The following NDNF variants were observed in gnomAD, a reference collection of about 807,000 sequenced individuals.
NDNF encodes the protein neuron derived neurotrophic factor.
NDNF carries 16 observed loss-of-function variants against 42.0 expected under a neutral mutation model. The observed-to-expected ratio is 0.38, with a 90% CI of 0.26 to 0.58. The LOEUF is 0.58. Ranked by LOEUF, NDNF falls within the 20% of genes least tolerant of loss-of-function variation. The pLI is 0.67. For missense variants in NDNF, 616 were observed against 666.2 expected, an observed-to-expected ratio of 0.92 and a Z score of 0.83; for synonymous variants, 248 against 251.7, an observed-to-expected ratio of 0.99 and a Z score of 0.14.
chr4:121,038,424 C>T (rs543745970), intron 3 of NDNF, among the ~76,000 whole-genome samples: 16 of 146,260 alleles, frequency 1.1e-4, no homozygotes, highest in Non-Finnish European at 2.1e-4. Flanking sequence ...AAAAAGAATG[C>T]TTAAGGTTCA....
chr4:121,071,162 C>A (rs1727589100), intron 1 of NDNF, among the ~76,000 whole-genome samples: 1 of 152,166 alleles, frequency 6.6e-6, no homozygotes, highest in African/African-American at 2.4e-5. Context: ...AGAAAGGTAG[C>A]GCGGGTGAGA....
intron 1 of NDNF, among the ~76,000 whole-genome samples, chr4:121,058,398 C>T (rs978867351): frequency 2.6e-5 from 4 of 152,100 alleles, no homozygotes; most frequent in Non-Finnish European, 5.9e-5. Context: ...CTCTGCAAGC[C>T]AGACTTGAGA....
intron 1 of NDNF, among the ~76,000 whole-genome samples, chr4:121,051,568 C>CA (rs1579315708): frequency 2.6e-5 from 4 of 152,068 alleles, no homozygotes; most frequent in Admixed American, 2.6e-4. Context: ...TCTATCATCA[C>CA]AAAAAAGCAC....
chr4:121,052,284 T>C (rs932115652), intron 1 of NDNF, among the ~76,000 whole-genome samples: 1 of 152,348 alleles, frequency 6.6e-6, no homozygotes. Flanking sequence ...AATTATCTAA[T>C]GTGCCTGATC....
chr4:121,062,836 C>T (rs996115304), intron 1 of NDNF, among the ~76,000 whole-genome samples: 12 of 152,118 alleles, frequency 7.9e-5, no homozygotes, highest in African/African-American at 2.9e-4. Flanking sequence ...AAAGAGATCT[C>T]GAAAATGCCT....
At chr4:121,055,209 G>C (rs1727269963) in intron 1 of NDNF, among the ~76,000 whole-genome samples, 1 of 152,118 alleles carries the variant, frequency 6.6e-6, no homozygotes, top group African/African-American at 2.4e-5. Flanking sequence ...GGATTTCAGT[G>C]AAGTGGTAGT....
chr4:121,069,257 T>C (rs1045416173), intron 1 of NDNF, among the ~76,000 whole-genome samples: 1 of 152,208 alleles, frequency 6.6e-6, no homozygotes, highest in African/African-American at 2.4e-5. Context: ...GTTGTGACAA[T>C]AGTCTTTACT....
rs1416024631 is a variant in NDNF at position 121,039,188 on chromosome 4, GTGTGTATATATATATATATATA to G, written c.313+720_313+741del. 1.8e-3 allele frequency among the ~76,000 whole-genome samples: 122 copies of G among 66,612 alleles called. 5 individuals carry two copies. The highest frequency in any genetic ancestry group is 8.8e-3 in the African/African-American group (116 of 13,112). 43.7% of individuals were successfully genotyped at this position (66,612 alleles called of 152,430 possible). On this transcript the variant is annotated intron_variant, in intron 3 of 3. Transcript: ENST00000379692. Reference sequence around the variant, plus strand: ...ATATATATAAAGACTATGTGTGTGTGTGTGTATATATATATATATATATATATATATATATATATATATATAT... The same window carrying G: ...ATATATATAAAGACTATGTGTGTGTGTATATATATATATATATATATATAT...
chr4:121,039,334 CA>C (rs2148763235), intron 3 of NDNF, among the ~76,000 whole-genome samples: 1 of 150,004 alleles, frequency 6.7e-6, no homozygotes, highest in Admixed American at 6.7e-5. Flanking sequence ...GGGTGCCATA[CA>C]AACTCTTCTC....
intron 2 of NDNF, among the ~76,000 whole-genome samples, chr4:121,045,350 T>A (rs1217673648): frequency 7.0e-6 from 1 of 142,320 alleles, no homozygotes; most frequent in African/African-American, 2.5e-5. Context: ...AGACTCCGTC[T>A]CAGGGAAAAA....
intron 1 of NDNF, among the ~76,000 whole-genome samples, chr4:121,050,875 T>C (rs1727181805): frequency 6.6e-6 from 1 of 152,140 alleles, no homozygotes; most frequent in African/African-American, 2.4e-5. Flanking sequence ...AGATTTTTCT[T>C]TGGAATGCCA....
chr4:121,048,831 C>T (rs1727140581), intron 1 of NDNF, among the ~76,000 whole-genome samples: 1 of 151,546 alleles, frequency 6.6e-6, no homozygotes, highest in African/African-American at 2.4e-5. Flanking sequence ...GAGCCTCCGT[C>T]TCAAAAAAAG....
At chr4:121,055,808 TACAC>T (rs370515779) in intron 1 of NDNF, among the ~76,000 whole-genome samples, 145 of 150,798 alleles carry the variant, frequency 9.6e-4, no homozygotes, top group African/African-American at 3.2e-3. Context: ...CATACACACA[TACAC>T]ACACACACAC....
chr4:121,067,302 TAAAGA>T (rs1483283714), intron 1 of NDNF, among the ~76,000 whole-genome samples: 4 of 152,148 alleles, frequency 2.6e-5, no homozygotes, highest in Non-Finnish European at 4.4e-5. Flanking sequence ...CACATTTTTT[TAAAGA>T]AAAGATTCAT....
Position 121,036,148 on chromosome 4 carries a change from C to A in NDNF, c.*116G>T, listed in dbSNP as rs762069080. ...TATACACACGTTGATATCCTTCCTT[C>A]CATAGTACAAGTACAGGTCACAACT... On this transcript the variant is annotated 3_prime_UTR_variant, in exon 4 of 4. Coordinates refer to ENST00000379692, the MANE Select transcript of NDNF (RefSeq NM_024574.4). 3.2e-5 allele frequency: 26 copies of A among 816,402 alleles called. No homozygotes were observed. Among genetic ancestry groups the A allele is most frequent in the Non-Finnish European group, 4.9e-5 (25 of 509,122 alleles). The allele number at this position is 816,402 out of a possible 1,614,324, so 50.6% of individuals were successfully genotyped here.
intron 1 of NDNF, among the ~76,000 whole-genome samples, chr4:121,068,410 C>T (rs544957901): frequency 7.9e-5 from 12 of 152,140 alleles, no homozygotes; most frequent in Non-Finnish European, 1.2e-4. Context: ...CTATCAACCA[C>T]GCTGTGGCTT....
rs28735001 is a variant in NDNF, at chr4:121,050,748, G to T, written c.-1-4910C>A. Among the ~76,000 whole-genome samples, 598 of 152,130 alleles carry T rather than the reference G, an allele frequency of 3.9e-3. 6 individuals are homozygous for T. The highest frequency in any genetic ancestry group is 0.014 in the African/African-American group (576 of 41,526). On this transcript the variant is annotated intron_variant, in intron 1 of 3. Coordinates refer to ENST00000379692, the MANE Select transcript of NDNF (RefSeq NM_024574.4). ...TTCTGCTATTTTTGTGTTGTCAAAGGCCTTCTTCACATTTGGCACAAGTCC... is the reference window on the plus strand; with the variant it reads ...TTCTGCTATTTTTGTGTTGTCAAAGTCCTTCTTCACATTTGGCACAAGTCC...
At chr4:121,049,377 G>C (rs1727151098) in intron 1 of NDNF, among the ~76,000 whole-genome samples, 2 of 152,324 alleles carry the variant, frequency 1.3e-5, no homozygotes, top group Middle Eastern at 3.4e-3. Flanking sequence ...CCTAAATTCA[G>C]GGATCCTCTC....
chr4:121,040,186 A>G (rs891594463), intron 2 of NDNF, 132 bp from the exon 3 acceptor site: 22 of 920,760 alleles, frequency 2.4e-5, no homozygotes, highest in Non-Finnish European at 3.3e-5. Flanking sequence ...ATAAAATGTC[A>G]TTGTATTTTC....
Sources: allele counts gnomAD v4.1 joint callset (sites outside exome capture counted in the v4.1 genomes callset), GRCh38; gene constraint gnomAD v4.1.1; transcripts MANE v1.5; gene names NCBI Gene and HGNC (gene_info 2026-07-23, HGNC 2026-07-21).